The following PLEKHA5 variants were observed in gnomAD, a reference collection of about 807,000 sequenced individuals.
PLEKHA5 encodes the protein pleckstrin homology domain containing A5.
Under a neutral mutation model 181.9 loss-of-function variants are expected in PLEKHA5, and 55 were observed. The ratio of observed to expected loss-of-function variants is 0.30; its 90% CI spans 0.24 to 0.38. PLEKHA5 has a LOEUF of 0.38. PLEKHA5 is among the 10% of genes least tolerant of loss of function. The pLI is 1.00. For synonymous variants in PLEKHA5, 535 were observed against 529.4 expected (o/e 1.01, Z -0.15); for missense variants, 1,432 against 1,549.5 (o/e 0.92, Z 1.27).
intron 3 of PLEKHA5, among the ~76,000 whole-genome samples, chr12:19,203,162 T>G: frequency 6.6e-6 from 1 of 152,066 alleles, no homozygotes; most frequent in East Asian, 1.9e-4. Flanking sequence ...AGGAAATGCA[T>G]GTTAGAGAGC....
intron 21 of PLEKHA5, among the ~76,000 whole-genome samples, chr12:19,342,746 C>G (rs779118156): frequency 5.3e-5 from 8 of 151,850 alleles, no homozygotes; most frequent in Non-Finnish European, 1.2e-4. Context: ...CACTGCACTC[C>G]AGCCTGGGCG....
At chr12:19,345,789 T>G (rs1329714527) in intron 22 of PLEKHA5, 53 bp from the exon 23 acceptor site, 2 of 849,736 alleles carry the variant, frequency 2.4e-6, no homozygotes, top group African/African-American at 1.8e-5. Context: ...TGTTCTTTTT[T>G]TATAGTATTA....
intron 15 of PLEKHA5, among the ~76,000 whole-genome samples, chr12:19,297,215 G>A (rs1344615386): frequency 1.3e-5 from 2 of 151,924 alleles, no homozygotes; most frequent in African/African-American, 4.8e-5. Context: ...ATATTCTACT[G>A]CAGTAACCAG....
intron 10 of PLEKHA5, among the ~76,000 whole-genome samples, chr12:19,274,113 T>G (rs2073879822): frequency 6.6e-6 from 1 of 152,224 alleles, no homozygotes; most frequent in Non-Finnish European, 1.5e-5. Flanking sequence ...CAGACTCATG[T>G]TTGTCTCATG....
chr12:19,192,541 A>AT (rs2151968196), intron 3 of PLEKHA5, among the ~76,000 whole-genome samples: 1 of 152,212 alleles, frequency 6.6e-6, no homozygotes, highest in East Asian at 1.9e-4. Context: ...TCTACTCAAA[A>AT]TACAAAAAAA....
At chr12:19,226,073 T>G (rs1163708586) in intron 3 of PLEKHA5, among the ~76,000 whole-genome samples, 1 of 152,214 alleles carries the variant, frequency 6.6e-6, no homozygotes, top group Non-Finnish European at 1.5e-5. Flanking sequence ...ACATTGGTAT[T>G]TAATACATTC....
At chr12:19,266,526 G>T (rs1373508006) in intron 8 of PLEKHA5, among the ~76,000 whole-genome samples, 2 of 151,990 alleles carry the variant, frequency 1.3e-5, no homozygotes, top group African/African-American at 4.8e-5. Flanking sequence ...GCTCATGCCT[G>T]TTATCCTAGC....
At chr12:19,165,435 C>T (rs2044104815) in intron 3 of PLEKHA5, among the ~76,000 whole-genome samples, 1 of 143,854 alleles carries the variant, frequency 7.0e-6, no homozygotes, top group South Asian at 2.2e-4. Context: ...TCTGTGTACT[C>T]TATTTTTTTT....
At chr12:19,216,844 G>A (rs1433266657) in intron 3 of PLEKHA5, among the ~76,000 whole-genome samples, 3 of 152,066 alleles carry the variant, frequency 2.0e-5, no homozygotes, top group African/African-American at 7.2e-5. Flanking sequence ...ACTACTGATT[G>A]TCTGCCTGCT....
chr12:19,143,104 C>G (rs561569276), intron 3 of PLEKHA5, among the ~76,000 whole-genome samples: 3 of 152,266 alleles, frequency 2.0e-5, no homozygotes, highest in African/African-American at 7.2e-5. Flanking sequence ...ACAGATGTTC[C>G]TATGAGGTGG....
chr12:19,337,460 A>T (rs1194235142), intron 21 of PLEKHA5, among the ~76,000 whole-genome samples: 1 of 150,848 alleles, frequency 6.6e-6, no homozygotes, highest in Non-Finnish European at 1.5e-5. Context: ...GAGGCAGGAG[A>T]ATCACTTGAA....
chr12:19,330,014 C>CAG (rs1281429907), intron 20 of PLEKHA5, among the ~76,000 whole-genome samples: 2 of 152,012 alleles, frequency 1.3e-5, no homozygotes, highest in Non-Finnish European at 2.9e-5. Context: ...GACCTGAGCC[C>CAG]AGAGAGGTCC....
chr12:19,200,451 CTAAACTGATTGTCTTCGTTA>C (rs1478886065), intron 3 of PLEKHA5: 1 of 1,445,788 alleles, frequency 6.9e-7, no homozygotes, highest in Admixed American at 2.7e-5. Context: ...ACAGCATATT[CTAAACTGATTGTCTTCGTTA>C]TCCAGTAGCT....
chr12:19,196,058 GTT>G (rs1216425309), intron 3 of PLEKHA5, among the ~76,000 whole-genome samples: 1 of 152,128 alleles, frequency 6.6e-6, no homozygotes. Context: ...AAAAGCAATA[GTT>G]ATGTTTTTTT....
intron 3 of PLEKHA5, among the ~76,000 whole-genome samples, chr12:19,252,189 C>T (rs1182541996): frequency 6.6e-6 from 1 of 151,558 alleles, no homozygotes; most frequent in South Asian, 2.1e-4. Flanking sequence ...TTGAGTTACC[C>T]AAAAAAATAT....
chr12:19,308,600 A>G (rs1390803405), intron 15 of PLEKHA5, among the ~76,000 whole-genome samples: 1 of 152,172 alleles, frequency 6.6e-6, no homozygotes, highest in Admixed American at 6.5e-5. Context: ...ATTCATTGCC[A>G]TAATAGAGCC....
chr12:19,340,512 G>C (rs1346370428), intron 21 of PLEKHA5, among the ~76,000 whole-genome samples: 37 of 140,826 alleles, frequency 2.6e-4, no homozygotes, highest in African/African-American at 9.0e-4. Context: ...GAATAGAAAG[G>C]GGGGAAAGGT....
Position 19,295,951 on chromosome 12 carries a change from G to A in PLEKHA5, c.2037+4254G>A, listed in dbSNP as rs1460034649. 3.3e-5 allele frequency among the ~76,000 whole-genome samples: 5 copies of A among 152,322 alleles called. No homozygotes were observed. The East Asian group carries it at 9.7e-4, about 29-fold the overall frequency. ...ATCTCTTTTAAAAATGTATTCAGTG[G>A]CTGGGCACAGTGGCTCATGCCTGTA... On this transcript the variant is annotated intron_variant, in intron 15 of 31. Transcript: ENST00000429027.
intron 3 of PLEKHA5, among the ~76,000 whole-genome samples, chr12:19,133,835 G>T (rs1256882864): frequency 6.6e-6 from 1 of 151,956 alleles, no homozygotes; most frequent in Non-Finnish European, 1.5e-5. Context: ...TGAGTGAAAT[G>T]CAGTCATCAA....
Sources: gnomAD v4.1 joint callset for allele counts (sites outside exome capture counted in the v4.1 genomes callset) on GRCh38, gnomAD v4.1.1 for gene constraint, MANE v1.5 for transcripts, NCBI Gene and HGNC (gene_info 2026-07-23, HGNC 2026-07-21) for gene names.